The following SSH2 variants were observed in gnomAD, a reference collection of about 807,000 sequenced individuals.
SSH2 encodes protein phosphatase Slingshot homolog 2.
SSH2 carries 37 observed loss-of-function variants against 135.2 expected under a neutral mutation model. That is an observed-to-expected ratio of 0.27 (90% confidence interval 0.21 to 0.36). SSH2 has a LOEUF of 0.36. Among genes scored for constraint, SSH2 ranks in the 10% least tolerant of loss-of-function variants. SSH2 has a pLI of 1.00. For synonymous variants in SSH2, 628 were observed against 646.2 expected, an observed-to-expected ratio of 0.97 and a Z score of 0.43; for missense variants, 1,408 against 1,765.3, an observed-to-expected ratio of 0.80 and a Z score of 3.63.
chr17:29,643,971 T>C (rs541821601), intron 14 of SSH2, among the ~76,000 whole-genome samples: 2 of 152,326 alleles, frequency 1.3e-5, no homozygotes, highest in Non-Finnish European at 2.9e-5. Context: ...ATCTGGCAAT[T>C]GTCAGACAAC....
intron 3 of SSH2, among the ~76,000 whole-genome samples, chr17:29,742,416 TCAAA>T (rs990303655): frequency 2.7e-5 from 4 of 145,618 alleles, no homozygotes; most frequent in African/African-American, 5.1e-5. Flanking sequence ...CCTCCTGGGC[TCAAA>T]CAATCCTCCT....
intron 2 of SSH2, among the ~76,000 whole-genome samples, chr17:29,842,623 T>C (rs1300246351): frequency 6.6e-6 from 1 of 152,212 alleles, no homozygotes; most frequent in East Asian, 1.9e-4. Context: ...AAGAAAATTA[T>C]TTCTCATAAT....
chr17:29,783,279 T>C, intron 3 of SSH2, among the ~76,000 whole-genome samples: 1 of 140,518 alleles, frequency 7.1e-6, no homozygotes, highest in East Asian at 2.0e-4. Context: ...TATATTTATA[T>C]ATTATATATA....
At chr17:29,878,550 A>C (rs532703023) in intron 1 of SSH2, among the ~76,000 whole-genome samples, 20 of 152,336 alleles carry the variant, frequency 1.3e-4, no homozygotes, top group Non-Finnish European at 2.6e-4. Flanking sequence ...TAGAATAAAT[A>C]AATCAATGGA....
At position 29,684,549 on chromosome 17, in the gene SSH2, T is replaced by G; in HGVS notation, c.479+14A>C. On this transcript the variant is annotated intron_variant, in intron 6 of 15. Transcript: ENST00000540801. Reference sequence around the variant, plus strand: ...AAAAAGCAGTTTTCACATTTTGAAATGGTACCACCATACCTGTCATTAGAG... The same window carrying G: ...AAAAAGCAGTTTTCACATTTTGAAAGGGTACCACCATACCTGTCATTAGAG... The G allele has an allele frequency of 6.3e-7, 1 of 1,590,344 alleles. No individual in the cohort carries two copies. The highest frequency in any genetic ancestry group is 8.5e-7 in the Non-Finnish European group (1 of 1,171,526).
intron 1 of SSH2, among the ~76,000 whole-genome samples, chr17:29,923,712 T>C (rs1189977888): frequency 6.6e-6 from 1 of 151,826 alleles, no homozygotes; most frequent in Non-Finnish European, 1.5e-5. Flanking sequence ...TTAAAACTAC[T>C]GAATGGAGCC....
chr17:29,829,952 G>A (rs1040772237), intron 2 of SSH2, among the ~76,000 whole-genome samples: 1 of 150,266 alleles, frequency 6.7e-6, no homozygotes, highest in Non-Finnish European at 1.5e-5. Flanking sequence ...CCATTCTCCT[G>A]CCTCAGCCTC....
At chr17:29,906,342 C>T (rs934660511) in intron 1 of SSH2, among the ~76,000 whole-genome samples, 4 of 152,168 alleles carry the variant, frequency 2.6e-5, no homozygotes, top group African/African-American at 9.7e-5. Flanking sequence ...CCCTTCCTTA[C>T]ACCACATGCA....
rs115411079 is a variant in SSH2 at position 29,790,204 on chromosome 17, C to T, written c.188+3690G>A. Among the ~76,000 whole-genome samples, 1,092 of 152,216 alleles carry T rather than the reference C, an allele frequency of 7.2e-3. 14 individuals are homozygous for T. Among genetic ancestry groups the T allele is most frequent in the African/African-American group, 0.023 (957 of 41,506 alleles). ...AATTCATATGTTGAAGCCCTACCCT[C>T]GAAAGTGAGGCGAGGCCTTTGGGAG... On this transcript the variant is annotated intron_variant, in intron 3 of 15. Transcript: ENST00000540801.
chr17:29,677,582 CTG>C, intron 7 of SSH2, 89 bp downstream of exon 7: 2 of 1,067,158 alleles, frequency 1.9e-6, no homozygotes, highest in Non-Finnish European at 2.9e-6. Flanking sequence ...AGTTGGCACA[CTG>C]GGCCTCCCTT....
chr17:29,925,024 T>C (rs1404932156), intron 1 of SSH2, among the ~76,000 whole-genome samples: 3 of 152,148 alleles, frequency 2.0e-5, no homozygotes, highest in Non-Finnish European at 2.9e-5. Context: ...GAAAGAGATA[T>C]AAACCAGGAG....
In SSH2 at chr17:29,632,785, T is replaced by C; in HGVS notation, c.2409A>G (p.Pro803=). 6 of 1,614,214 alleles carry C rather than the reference T, an allele frequency of 3.7e-6. No homozygotes were observed. In the African/African-American group the frequency reaches 4.0e-5, roughly 11 times the overall value. ...TGCTGTTCTTCTTTGGTGTATGGCA[T>C]GGGTTGGGTAAGATGTCTCCTTTCA... ...IQLKGDILPN[P]CHTPKKNSIH... is the part of the protein sequence containing the mutation. The change falls in exon 16 of 16, where the codon CCA becomes CCG. Residue 803 remains proline (P), a synonymous_variant. Coordinates refer to ENST00000540801, the MANE Select transcript of SSH2 (RefSeq NM_001282129.2).
chr17:29,854,896 G>A (rs758910086), intron 1 of SSH2, among the ~76,000 whole-genome samples: 1 of 152,004 alleles, frequency 6.6e-6, no homozygotes, highest in East Asian at 1.9e-4. Flanking sequence ...GCAGTGAGCC[G>A]AGATTGCGCC....
intron 3 of SSH2, among the ~76,000 whole-genome samples, chr17:29,724,352 A>G (rs1460736343): frequency 6.6e-6 from 1 of 151,912 alleles, no homozygotes; most frequent in Non-Finnish European, 1.5e-5. Flanking sequence ...AACATGGTGA[A>G]ACCCCATCTC....
rs1171840534 is a variant in SSH2 at position 29,655,623 on chromosome 17, G to A, written c.1033-16C>T. 1.2e-6 allele frequency: 2 copies of A among 1,613,200 alleles called. No homozygotes were observed. The highest frequency in any genetic ancestry group is 1.7e-6 in the Non-Finnish European group (2 of 1,179,184). On this transcript the variant is annotated splice_polypyrimidine_tract_variant and intron_variant, in intron 11 of 15. Coordinates refer to ENST00000540801, the MANE Select transcript of SSH2 (RefSeq NM_001282129.2). ...ATTCTGAGCCCTATGGAGCCAAAAA[G>A]ACAAGGTTAAGGAGTATTAGCAAAT...
chr17:29,766,749 C>G (rs537785335), intron 3 of SSH2, among the ~76,000 whole-genome samples: 2 of 151,808 alleles, frequency 1.3e-5, no homozygotes, highest in East Asian at 1.9e-4. Context: ...TCTAAGGGCT[C>G]GATGTAGAAA....
At chr17:29,889,802 CAAAAAA>C (rs534822390) in intron 1 of SSH2, among the ~76,000 whole-genome samples, 4 of 49,472 alleles carry the variant, frequency 8.1e-5, no homozygotes, top group African/African-American at 3.0e-4. Flanking sequence ...CCATCTCTAC[CAAAAAA>C]AAAAAAAAAA....
At chr17:29,701,213 C>G (rs1475488809) in intron 4 of SSH2, among the ~76,000 whole-genome samples, 1 of 151,942 alleles carries the variant, frequency 6.6e-6, no homozygotes, top group Non-Finnish European at 1.5e-5. Context: ...CCTTGTGATC[C>G]GCCCGTCTCA....
intron 15 of SSH2, among the ~76,000 whole-genome samples, chr17:29,635,596 G>C (rs1023346812): frequency 6.6e-6 from 1 of 151,904 alleles, no homozygotes; most frequent in Admixed American, 6.6e-5. Context: ...TTTTAGTAGA[G>C]ACGGGGTTTC....
Sources: gnomAD v4.1 joint callset for allele counts (sites outside exome capture counted in the v4.1 genomes callset) on GRCh38, gnomAD v4.1.1 for gene constraint, MANE v1.5 for transcripts, NCBI Gene and HGNC (gene_info 2026-07-23, HGNC 2026-07-21) for gene names.